NCOA3: variants seen among roughly 807,000 people sequenced by gnomAD.
NCOA3 encodes the protein nuclear receptor coactivator 3, also known as CBP-interacting protein.
Under a neutral mutation model 158.8 loss-of-function variants are expected in NCOA3, and 51 were observed. The observed-to-expected ratio is 0.32, with a 90% CI of 0.26 to 0.41. NCOA3 has a LOEUF of 0.41. NCOA3 is among the 10% of genes least tolerant of loss of function. The pLI, the probability that NCOA3 is intolerant of heterozygous loss-of-function variation, is 1.00. For missense variants in NCOA3, 1,510 were observed against 1,746.6 expected (o/e 0.86, Z 2.41); for synonymous variants, 537 against 592.4 (o/e 0.91, Z 1.36).
rs1415486345 is a variant in NCOA3, at chr20:47,635,904, C to T, written c.1518C>T (p.Pro506=). The T allele has an allele frequency of 3.1e-6, 5 of 1,612,802 alleles. No homozygotes were observed. The highest frequency in any genetic ancestry group is 1.1e-5 in the South Asian group (1 of 91,004). The change falls in exon 12 of 23, where the codon CCC becomes CCT. Residue 506 remains proline, a synonymous_variant. Transcript: ENST00000371998. ...QFSPVAGVHS[P]MASSGNTGNH... is the part of the protein sequence containing the mutation. The stretch of plus-strand genomic sequence containing the variant: ...TTTCAAATTCAGGTGTGCACTCTCC[C>T]ATGGCATCTTCTGGCAATACTGGGA...
chr20:47,655,303 ATGTC>A lies in NCOA3; in HGVS notation c.*1890_*1893del, dbSNP rs772800423. The A allele has an allele frequency of 1.4e-4, 21 of 152,296 alleles. 2 individuals carry two copies. The highest frequency in any genetic ancestry group is 4.6e-4 in the African/African-American group (19 of 41,556). The allele number at this position is 152,296 out of a possible 1,614,324, so 9.4% of individuals were successfully genotyped here. A position where few individuals can be genotyped will look rare whatever the true frequency, so the allele number is the denominator to read the frequency against. On this transcript the variant is annotated 3_prime_UTR_variant, in exon 23 of 23. Transcript: ENST00000371998. ...ATAGTTGACGGAATTGGGTTTCTGAATGTCTGTGAATTTCAGAGGTCTCTGCTAG... is the reference window on the plus strand; with the variant it reads ...ATAGTTGACGGAATTGGGTTTCTGAATGTGAATTTCAGAGGTCTCTGCTAG...
At chr20:47,572,190 C>T (rs1355057611) in intron 1 of NCOA3, among the ~76,000 whole-genome samples, 2 of 152,190 alleles carry the variant, frequency 1.3e-5, no homozygotes, top group African/African-American at 4.8e-5. Context: ...TTGATCTTTC[C>T]AGTCCATGAA....
intron 1 of NCOA3, among the ~76,000 whole-genome samples, chr20:47,580,167 A>G (rs2085428579): frequency 6.6e-6 from 1 of 152,120 alleles, no homozygotes; most frequent in African/African-American, 2.4e-5. Context: ...GAAGACCAGC[A>G]CTATAACACT....
chr20:47,526,634 G>A (rs2084456357), intron 1 of NCOA3, among the ~76,000 whole-genome samples: 1 of 152,230 alleles, frequency 6.6e-6, no homozygotes, highest in East Asian at 1.9e-4. Context: ...GGTGGCACAC[G>A]CCTGCAATCG....
intron 1 of NCOA3, among the ~76,000 whole-genome samples, chr20:47,575,662 T>C (rs1328709339): frequency 6.6e-6 from 1 of 152,234 alleles, no homozygotes; most frequent in Non-Finnish European, 1.5e-5. Flanking sequence ...TAAGAGCTAA[T>C]ATCCTACATG....
intron 2 of NCOA3, among the ~76,000 whole-genome samples, chr20:47,619,208 T>G (rs1379392539): frequency 6.6e-6 from 1 of 152,334 alleles, no homozygotes; most frequent in African/African-American, 2.4e-5. Flanking sequence ...ATTGAGAATA[T>G]AGGCAAAATT....
intron 1 of NCOA3, among the ~76,000 whole-genome samples, chr20:47,507,083 A>G (rs115211941): frequency 0.017 from 2,567 of 152,268 alleles, 76 homozygotes; most frequent in African/African-American, 0.059. Context: ...AGATGGATAG[A>G]TGGGAAAGGA....
chr20:47,531,618 T>C (rs1234791438), intron 1 of NCOA3, among the ~76,000 whole-genome samples: 1 of 152,194 alleles, frequency 6.6e-6, no homozygotes, highest in Non-Finnish European at 1.5e-5. Flanking sequence ...TTCCCTGTGA[T>C]CTGCTCCTCC....
intron 1 of NCOA3, among the ~76,000 whole-genome samples, chr20:47,576,950 C>T (rs907240395): frequency 2.0e-5 from 3 of 152,188 alleles, no homozygotes; most frequent in East Asian, 1.9e-4. Flanking sequence ...CGCAAGCAAG[C>T]GGCTTGCTTG....
At chr20:47,626,973 A>G (rs1356427649) in intron 5 of NCOA3, 29 bp from the exon 6 acceptor site, 1 of 1,582,982 alleles carries the variant, frequency 6.3e-7, no homozygotes, top group African/African-American at 1.4e-5. Context: ...TCAGTCCATA[A>G]CAGCCTGTAT....
At chr20:47,601,933 G>C (rs1210221787) in intron 2 of NCOA3, among the ~76,000 whole-genome samples, 1 of 152,178 alleles carries the variant, frequency 6.6e-6, no homozygotes, top group Non-Finnish European at 1.5e-5. Flanking sequence ...ACATTTTAAA[G>C]CAACTTTGAA....
chr20:47,515,379 C>T (rs1244321304), intron 1 of NCOA3, among the ~76,000 whole-genome samples: 3 of 151,030 alleles, frequency 2.0e-5, no homozygotes, highest in African/African-American at 4.9e-5. Context: ...GTCTTGAACT[C>T]CTGATGTCGT....
At chr20:47,520,007 C>T (rs1375932074) in intron 1 of NCOA3, among the ~76,000 whole-genome samples, 1 of 140,742 alleles carries the variant, frequency 7.1e-6, no homozygotes. Flanking sequence ...TGTGATCCGC[C>T]GGCTTCAGCC....
intron 1 of NCOA3, among the ~76,000 whole-genome samples, chr20:47,533,216 C>T (rs1406466824): frequency 3.1e-5 from 4 of 130,876 alleles, no homozygotes; most frequent in Admixed American, 9.1e-5. Flanking sequence ...ATTTGGGAGG[C>T]GGAGGTTGCA....
At chr20:47,569,834 C>T (rs1045786233) in intron 1 of NCOA3, among the ~76,000 whole-genome samples, 1 of 152,040 alleles carries the variant, frequency 6.6e-6, no homozygotes, top group Non-Finnish European at 1.5e-5. Context: ...CACGGTGAAA[C>T]CCCGTCTCTA....
At chr20:47,603,880 G>T (rs967052761) in intron 2 of NCOA3, among the ~76,000 whole-genome samples, 1 of 152,144 alleles carries the variant, frequency 6.6e-6, no homozygotes, top group Non-Finnish European at 1.5e-5. Flanking sequence ...TGGGGGCGTG[G>T]TGGGTCAAAA....
At position 47,624,061 on chromosome 20, in the gene NCOA3, G is replaced by C; in HGVS notation, c.234G>C (p.Gln78His). The change falls in exon 4 of 23, where the codon CAG becomes CAC. Residue 78 changes from glutamine to histidine, a missense_variant. Physicochemically the swap from Gln to His is conservative, Grantham distance 24. Transcript: ENST00000371998. ...CGATTTTAAAGGAAACAGTAAGACA[G>C]ATACGTCAAATAAAAGAGCAAGGTA... Reference protein sequence around the residue: ...KCAILKETVRQIRQIKEQGKT... With the variant: ...KCAILKETVRHIRQIKEQGKT... 1 of 1,606,076 alleles carries C rather than the reference G, an allele frequency of 6.2e-7. No individual in the cohort carries two copies. The highest frequency in any genetic ancestry group is 8.5e-7 in the Non-Finnish European group (1 of 1,177,272).
At chr20:47,553,957 C>A (rs948347081) in intron 1 of NCOA3, among the ~76,000 whole-genome samples, 1 of 152,102 alleles carries the variant, frequency 6.6e-6, no homozygotes, top group Non-Finnish European at 1.5e-5. Context: ...AGTTCTAGAT[C>A]CCTGAGGAAT....
At chr20:47,597,268 A>T (rs2085772116) in intron 2 of NCOA3, among the ~76,000 whole-genome samples, 1 of 152,186 alleles carries the variant, frequency 6.6e-6, no homozygotes, top group South Asian at 2.1e-4. Context: ...ATTTCATGTG[A>T]ATAGTATTCC....
Sources: gnomAD v4.1 joint callset for allele counts (sites outside exome capture counted in the v4.1 genomes callset) on GRCh38, gnomAD v4.1.1 for gene constraint, MANE v1.5 for transcripts, NCBI Gene and HGNC (gene_info 2026-07-23, HGNC 2026-07-21) for gene names.